ERC1: variants seen among roughly 807,000 people sequenced by gnomAD.
ERC1 encodes RAB6 interacting protein 2.
In ERC1, 56 loss-of-function variants were observed where a neutral mutation model predicts 132.0. That is an observed-to-expected ratio of 0.42 (90% CI 0.34 to 0.53). The LOEUF is 0.53. Among genes scored for constraint, ERC1 ranks in the 20% least tolerant of loss-of-function variants. ERC1 has a pLI of 0.03. For missense variants in ERC1, 1,202 were observed against 1,349.9 expected (o/e 0.89, Z 1.72); for synonymous variants, 478 against 476.1 (o/e 1.00, Z -0.05).
At position 1,491,389 on chromosome 12, in the gene ERC1, C is replaced by T. The variant is rs553924013; in HGVS notation, c.*1159C>T. On this transcript the variant is annotated 3_prime_UTR_variant, in exon 19 of 19. Coordinates refer to ENST00000360905, the MANE Select transcript of ERC1 (RefSeq NM_178040.4). Reference sequence around the variant, plus strand: ...TTTCCTCCTACACACATTCCTTCCTCGGTTATTTCATTCAGAGAATATTTA... The same window carrying T: ...TTTCCTCCTACACACATTCCTTCCTTGGTTATTTCATTCAGAGAATATTTA... 7.4e-5 allele frequency: 17 copies of T among 230,758 alleles called. No individual in the cohort carries two copies. Among genetic ancestry groups the T allele is most frequent in the African/African-American group, 2.9e-4 (13 of 45,230 alleles). The allele number at this position is 230,758 out of a possible 1,614,324, so 14.3% of individuals were successfully genotyped here. A position where few individuals can be genotyped will look rare whatever the true frequency, so the allele number is the denominator to read the frequency against.
At chr12:1,008,209 G>C (rs537276763) in intron 1 of ERC1, among the ~76,000 whole-genome samples, 14 of 152,320 alleles carry the variant, frequency 9.2e-5, no homozygotes, top group South Asian at 6.2e-4. Context: ...CACTGAGCTA[G>C]AGAGATGGTG....
rs554631877 is a variant in ERC1, at chr12:1,051,630, G to A, written c.669+23058G>A. 2.0e-5 allele frequency among the ~76,000 whole-genome samples: 3 copies of A among 151,976 alleles called. No individual in the cohort carries two copies. In the South Asian group the frequency reaches 6.2e-4, roughly 32 times the overall value. On this transcript the variant is annotated intron_variant, in intron 2 of 18. Transcript: ENST00000360905. ...GCTACTCAGGAGGCTAAGGTGGGAG[G>A]ATTGCTGGAGTCCAGGAGGTTGAGG... is the stretch of plus-strand genomic sequence containing the variant.
intron 18 of ERC1, among the ~76,000 whole-genome samples, chr12:1,460,095 A>G (rs1057016371): frequency 1.3e-5 from 2 of 152,368 alleles, no homozygotes; most frequent in South Asian, 2.1e-4. Flanking sequence ...TTATTCAGTG[A>G]GTTATAATAT....
intron 15 of ERC1, among the ~76,000 whole-genome samples, chr12:1,339,125 C>T (rs1435513054): frequency 0.034 from 2,905 of 85,860 alleles, 3 homozygotes; most frequent in Middle Eastern, 0.11. Context: ...AGGCATTCAC[C>T]GCAGTGGCAG....
At position 1,129,571 on chromosome 12, in the gene ERC1, A is replaced by G. The variant is rs193118645; in HGVS notation, c.1570-12049A>G. 5.6e-4 allele frequency among the ~76,000 whole-genome samples: 86 copies of G among 152,296 alleles called. 1 individual carries two copies. Among genetic ancestry groups the G allele is most frequent in the Non-Finnish European group, 9.0e-4 (61 of 68,024 alleles). Reference sequence around the variant, plus strand: ...TGGGGAGAAAAAATACATTACGTGTAAAGGATTAACAATTAGGCCAACATC... The same window carrying G: ...TGGGGAGAAAAAATACATTACGTGTGAAGGATTAACAATTAGGCCAACATC... On this transcript the variant is annotated intron_variant, in intron 7 of 18. Transcript: ENST00000360905.
rs114188181 is a variant in ERC1 at position 1,427,410 on chromosome 12, C to T, written c.3025-17152C>T. Among the ~76,000 whole-genome samples, 1,012 of 152,252 alleles carry T rather than the reference C, an allele frequency of 6.6e-3. 6 individuals are homozygous for T. The highest frequency in any genetic ancestry group is 0.023 in the African/African-American group (972 of 41,540). The stretch of plus-strand genomic sequence containing the variant: ...AGAATCGTCCATAATCCCATCACCC[C>T]GATGCAATCTCAGTGAATATCACAG... On this transcript the variant is annotated intron_variant, in intron 17 of 18. Transcript: ENST00000360905.
chr12:998,844 T>C (rs545495291), intron 1 of ERC1, among the ~76,000 whole-genome samples: 3 of 150,918 alleles, frequency 2.0e-5, no homozygotes, highest in Non-Finnish European at 4.4e-5. Flanking sequence ...CTGGGCTCTT[T>C]CTCTGTCACT....
intron 8 of ERC1, among the ~76,000 whole-genome samples, chr12:1,179,797 G>A (rs535512377): frequency 1.9e-4 from 29 of 152,268 alleles, no homozygotes; most frequent in East Asian, 1.5e-3. Context: ...GTGAGCCACC[G>A]CGCCCGGCCT....
intron 8 of ERC1, among the ~76,000 whole-genome samples, chr12:1,144,616 A>ATATATATATATATATATACGTG (rs751059950): frequency 1.5e-4 from 21 of 144,660 alleles, no homozygotes; most frequent in African/African-American, 4.3e-4. Flanking sequence ...ATTTTGTGGT[A>ATATATATATATATATATACGTG]TATATATATA....
intron 2 of ERC1, among the ~76,000 whole-genome samples, chr12:1,053,776 A>G (rs1972455313): frequency 2.6e-5 from 4 of 152,240 alleles, no homozygotes; most frequent in African/African-American, 7.2e-5. Flanking sequence ...CAGGGAGGCC[A>G]GCTTGTTTTT....
At chr12:1,097,092 T>C (rs1944132795) in intron 3 of ERC1, among the ~76,000 whole-genome samples, 1 of 152,214 alleles carries the variant, frequency 6.6e-6, no homozygotes, top group South Asian at 2.1e-4. Flanking sequence ...CCTTAATTCC[T>C]CCTTTTTTTT....
chr12:994,335 T>C (rs1018382775), intron 1 of ERC1, among the ~76,000 whole-genome samples: 5 of 152,134 alleles, frequency 3.3e-5, no homozygotes, highest in African/African-American at 9.7e-5. Flanking sequence ...TTTTTTCTTA[T>C]TTATTTTTTG....
In ERC1 at chr12:1,234,732, C is replaced by A. The variant is rs1289311765; in HGVS notation, c.2352-2037C>A. ...AGTAATTAAGGTGGTATAGATCTGGCACAGAAATATACAAACATAGCCACA... is the reference window on the plus strand; with the variant it reads ...AGTAATTAAGGTGGTATAGATCTGGAACAGAAATATACAAACATAGCCACA... On this transcript the variant is annotated intron_variant, in intron 12 of 18. Coordinates refer to ENST00000360905, the MANE Select transcript of ERC1 (RefSeq NM_178040.4). 2.0e-5 allele frequency among the ~76,000 whole-genome samples: 3 copies of A among 152,200 alleles called. No individual in the cohort carries two copies. The East Asian group carries it at 5.8e-4, about 29-fold the overall frequency.
chr12:1,162,183 C>T (rs1255796418), intron 8 of ERC1, among the ~76,000 whole-genome samples: 3 of 152,194 alleles, frequency 2.0e-5, no homozygotes, highest in East Asian at 1.9e-4. Flanking sequence ...GCGTGCTGTA[C>T]AATGGGATTA....
At chr12:1,131,432 A>C (rs1948748577) in intron 7 of ERC1, among the ~76,000 whole-genome samples, 1 of 152,188 alleles carries the variant, frequency 6.6e-6, no homozygotes, top group African/African-American at 2.4e-5. Flanking sequence ...TATTGATTTA[A>C]AACAAAGGAA....
intron 1 of ERC1, among the ~76,000 whole-genome samples, chr12:1,001,640 A>G (rs1178904814): frequency 6.6e-6 from 1 of 152,154 alleles, no homozygotes; most frequent in Non-Finnish European, 1.5e-5. Context: ...CTTTATATGC[A>G]TGGAATCATA....
intron 8 of ERC1, among the ~76,000 whole-genome samples, chr12:1,149,667 A>G: frequency 6.6e-6 from 1 of 152,084 alleles, no homozygotes; most frequent in Non-Finnish European, 1.5e-5. Flanking sequence ...CCAAAGTGCT[A>G]CGATTACAGG....
At chr12:1,199,408 A>C (rs993718592) in intron 12 of ERC1, among the ~76,000 whole-genome samples, 2 of 152,206 alleles carry the variant, frequency 1.3e-5, no homozygotes, top group Non-Finnish European at 2.9e-5. Context: ...AAGACAACCT[A>C]GTGTGTATTT....
At chr12:1,270,402 G>A (rs2154330627) in intron 14 of ERC1, among the ~76,000 whole-genome samples, 1 of 152,110 alleles carries the variant, frequency 6.6e-6, no homozygotes, top group South Asian at 2.1e-4. Context: ...TAGAGACGAG[G>A]TTTCGTCATG....
Sources: gnomAD v4.1 joint callset for allele counts (sites outside exome capture counted in the v4.1 genomes callset) on GRCh38, gnomAD v4.1.1 for gene constraint, MANE v1.5 for transcripts, NCBI Gene and HGNC (gene_info 2026-07-23, HGNC 2026-07-21) for gene names.